The following DCP2 variants were observed in gnomAD, a reference collection of about 807,000 sequenced individuals.
DCP2 encodes m7GpppN-mRNA hydrolase.
DCP2 carries 30 observed loss-of-function variants against 56.1 expected under a neutral mutation model. The ratio of observed to expected loss-of-function variants is 0.53; its 90% CI spans 0.40 to 0.73. The LOEUF is 0.73. DCP2 is among the 30% of genes least tolerant of loss of function. The pLI is 0.00. For synonymous variants in DCP2, 197 were observed against 163.3 expected (o/e 1.21, Z -1.57); for missense variants, 533 against 502.7 (o/e 1.06, Z -0.58).
Position 113,005,151 on chromosome 5 carries a change from G to GGTGTGTGTGTGTGTGTGTGTGTGT in DCP2, c.942+1092_942+1093insGTGTGTGTGTGTGTGTGTGTGTGT, listed in dbSNP as rs56389236. Among the ~76,000 whole-genome samples, 89 of 149,522 alleles carry GGTGTGTGTGTGTGTGTGTGTGTGT rather than the reference G, an allele frequency of 6.0e-4. 1 individual carries two copies. The highest frequency in any genetic ancestry group is 1.9e-3 in the African/African-American group (75 of 40,452). On this transcript the variant is annotated intron_variant, in intron 8 of 10. Coordinates refer to ENST00000389063, the MANE Select transcript of DCP2 (RefSeq NM_152624.6). ...TCTCAAAAAAAAAAGTGTGCGTGTGGGTGTGTGTGTGTGTGTGTAAACTGG... is the reference window on the plus strand; with the variant it reads ...TCTCAAAAAAAAAAGTGTGCGTGTGGGTGTGTGTGTGTGTGTGTGTGTGTGTGTGTGTGTGTGTGTGTAAACTGG...
chr5:113,016,686 T>C lies in DCP2; in HGVS notation c.*3202T>C, dbSNP rs1483407197. 1 of 152,200 alleles carries C rather than the reference T, an allele frequency of 6.6e-6. No individual in the cohort carries two copies. The highest frequency in any genetic ancestry group is 1.5e-5 in the Non-Finnish European group (1 of 68,022). 9.4% of individuals were successfully genotyped at this position (152,200 alleles called of 1,614,324 possible). A position where few individuals can be genotyped will look rare whatever the true frequency, so the allele number is the denominator to read the frequency against. On this transcript the variant is annotated 3_prime_UTR_variant, in exon 11 of 11. Transcript: ENST00000389063. Reference sequence around the variant, plus strand: ...ATAGAAAAGTTAAGGTCTGAGTGCATGTGTGCATTAAAAACATTTCACTAC... The same window carrying C: ...ATAGAAAAGTTAAGGTCTGAGTGCACGTGTGCATTAAAAACATTTCACTAC...
At chr5:112,978,765 A>T (rs907045707) in intron 1 of DCP2, among the ~76,000 whole-genome samples, 11 of 151,730 alleles carry the variant, frequency 7.2e-5, no homozygotes, top group Admixed American at 2.0e-4. Flanking sequence ...CAATAGTGGG[A>T]TTATGAGATT....
At chr5:112,979,957 A>C (rs968607253) in intron 1 of DCP2, among the ~76,000 whole-genome samples, 1 of 152,218 alleles carries the variant, frequency 6.6e-6, no homozygotes, top group Admixed American at 6.5e-5. Context: ...CGCCAAACTG[A>C]TAACACTGGT....
In DCP2 at chr5:113,007,333, A is replaced by G. The variant is rs183345011; in HGVS notation, c.943-605A>G. ...AGGTTCCATTTATGCATTAGAAACG[A>G]GATCTATAAGCAGACATGGGATAAG... On this transcript the variant is annotated intron_variant, in intron 8 of 10. Transcript: ENST00000389063. Among the ~76,000 whole-genome samples, 11 of 152,130 alleles carry G rather than the reference A, an allele frequency of 7.2e-5. No individual in the cohort carries two copies. In the East Asian group the frequency reaches 2.1e-3, roughly 29 times the overall value.
At position 113,010,907 on chromosome 5, in the gene DCP2, A is replaced by C. The variant is rs1475760340; in HGVS notation, c.1099+100A>C. On this transcript the variant is annotated intron_variant, in intron 10 of 10. Coordinates refer to ENST00000389063, the MANE Select transcript of DCP2 (RefSeq NM_152624.6). The stretch of plus-strand genomic sequence containing the variant: ...GGGAGTATGTGATCTGTGATAGTTA[A>C]GCAGGAAGAGTTGCATATGTTCTGT... The C allele has an allele frequency of 4.3e-5, 54 of 1,264,634 alleles. No homozygotes were observed. The South Asian group carries it at 7.6e-4, about 18-fold the overall frequency. 78.3% of individuals were successfully genotyped at this position (1,264,634 alleles called of 1,614,324 possible). A position where few individuals can be genotyped will look rare whatever the true frequency, so the allele number is the denominator to read the frequency against.
intron 7 of DCP2, among the ~76,000 whole-genome samples, chr5:113,002,963 G>T (rs1749247900): frequency 6.6e-6 from 1 of 152,196 alleles, no homozygotes; most frequent in Non-Finnish European, 1.5e-5. Context: ...ATGTTAGAGA[G>T]AGTTGATTTT....
At chr5:113,006,861 G>A (rs1030912659) in intron 8 of DCP2, among the ~76,000 whole-genome samples, 11 of 152,116 alleles carry the variant, frequency 7.2e-5, no homozygotes, top group African/African-American at 1.9e-4. Flanking sequence ...AGCCGGGAAC[G>A]TTGGCTCACA....
In DCP2 at chr5:113,001,645, G is replaced by A. The variant is rs777634554; in HGVS notation, c.777G>A (p.Thr259=). 5.6e-6 allele frequency: 9 copies of A among 1,613,986 alleles called. No individual in the cohort carries two copies. The highest frequency in any genetic ancestry group is 2.7e-5 in the African/African-American group (2 of 74,920). The part of the protein sequence containing the change: ...SDNGFSSTGS[T]PAKPTVEKLS... ...ATGGATTTTCCTCAACTGGTAGCACGCCGGCTAAACCCACTGTGGAAAAAT... is the reference window on the plus strand; with the variant it reads ...ATGGATTTTCCTCAACTGGTAGCACACCGGCTAAACCCACTGTGGAAAAAT... Residue 259 remains threonine, a synonymous_variant, in exon 7 of 11, where the codon ACG becomes ACA. Transcript: ENST00000389063.
chr5:112,999,249 T>C (rs1749011930), intron 4 of DCP2, among the ~76,000 whole-genome samples: 1 of 152,240 alleles, frequency 6.6e-6, no homozygotes, highest in Admixed American at 6.5e-5. Context: ...TTTGAGGCAT[T>C]ATTCAAAGAG....
intron 2 of DCP2, among the ~76,000 whole-genome samples, chr5:112,987,795 T>C (rs1748370460): frequency 6.6e-6 from 1 of 150,884 alleles, no homozygotes; most frequent in Non-Finnish European, 1.5e-5. Context: ...CCATAGGTCT[T>C]TTTTTTTTCT....
chr5:112,986,646 T>A (rs1160986746), intron 2 of DCP2, among the ~76,000 whole-genome samples: 1 of 152,114 alleles, frequency 6.6e-6, no homozygotes, highest in East Asian at 1.9e-4. Context: ...TGACATTTAT[T>A]AAATAATTAT....
At chr5:113,000,182 A>C (rs1398210844) in intron 4 of DCP2, among the ~76,000 whole-genome samples, 1 of 151,912 alleles carries the variant, frequency 6.6e-6, no homozygotes, top group Non-Finnish European at 1.5e-5. Context: ...GGTCTCGAAC[A>C]CCTGGGCTCA....
At chr5:113,010,666 T>G (rs1749643818) in intron 9 of DCP2, 90 bp from the exon 10 acceptor site, 1 of 1,349,918 alleles carries the variant, frequency 7.4e-7, no homozygotes. Flanking sequence ...CTGAGAAATT[T>G]GATAATACAT....
chr5:113,010,925 T>A, intron 10 of DCP2, 118 bp downstream of exon 10: 1 of 1,074,142 alleles, frequency 9.3e-7, no homozygotes. Flanking sequence ...GAGTTGCATA[T>A]GTTCTGTAGA....
At chr5:113,013,262 A>T (rs926850117) in intron 10 of DCP2, 59 bp from the exon 11 acceptor site, 1 of 1,526,444 alleles carries the variant, frequency 6.6e-7, no homozygotes, top group Non-Finnish European at 8.9e-7. Flanking sequence ...GGCAAAGGGC[A>T]GTATTTGATT....
Position 112,997,746 on chromosome 5 carries a change from C to T in DCP2, c.433-3338C>T, listed in dbSNP as rs976182490. On this transcript the variant is annotated intron_variant, in intron 4 of 10. Coordinates refer to ENST00000389063, the MANE Select transcript of DCP2 (RefSeq NM_152624.6). ...TCTCCTGTCTCAGCATCCCGAGTAC[C>T]TGGGATTACAGGCGCACGCCACCAT... Among the ~76,000 whole-genome samples, 8 of 152,056 alleles carry T rather than the reference C, an allele frequency of 5.3e-5. 1 individual carries two copies. Among genetic ancestry groups the T allele is most frequent in the African/African-American group, 4.8e-5 (2 of 41,478 alleles).
intron 8 of DCP2, among the ~76,000 whole-genome samples, chr5:113,007,369 T>G (rs980773996): frequency 3.5e-5 from 5 of 143,392 alleles, no homozygotes; most frequent in Admixed American, 7.4e-5. Context: ...GCAAGAGGTG[T>G]GGAAAGATTT....
At position 113,013,953 on chromosome 5, in the gene DCP2, ATTT is replaced by A. The variant is rs1490544394; in HGVS notation, c.*471_*473del. On this transcript the variant is annotated 3_prime_UTR_variant, in exon 11 of 11. Transcript: ENST00000389063. Reference sequence around the variant, plus strand: ...CATTCGTCAGCATTACAGGTGATCTATTTTGGTGGCATTTTGTACTTCTCTCTG... The same window carrying A: ...CATTCGTCAGCATTACAGGTGATCTATGGTGGCATTTTGTACTTCTCTCTG... 2 of 152,764 alleles carry A rather than the reference ATTT, an allele frequency of 1.3e-5. No individual in the cohort carries two copies. The highest frequency in any genetic ancestry group is 1.3e-4 in the Admixed American group (2 of 15,338). 9.5% of individuals were successfully genotyped at this position (152,764 alleles called of 1,614,324 possible). A position where few individuals can be genotyped will look rare whatever the true frequency, so the allele number is the denominator to read the frequency against.
intron 2 of DCP2, among the ~76,000 whole-genome samples, chr5:112,987,606 C>G (rs1314076588): frequency 6.8e-6 from 1 of 147,296 alleles, no homozygotes; most frequent in Non-Finnish European, 1.5e-5. Context: ...GTGCAAGCCA[C>G]CACACCTAGG....
Sources: gnomAD v4.1 joint callset for allele counts (sites outside exome capture counted in the v4.1 genomes callset) on GRCh38, gnomAD v4.1.1 for gene constraint, MANE v1.5 for transcripts, NCBI Gene and HGNC (gene_info 2026-07-23, HGNC 2026-07-21) for gene names.